Variants in RBM20 observed in about 807,000 individuals in gnomAD.
The protein encoded by RBM20 is RNA binding motif protein 20.
Under a neutral mutation model 110.1 loss-of-function variants are expected in RBM20, and 51 were observed. That is an observed-to-expected ratio of 0.46 (90% CI 0.37 to 0.59). RBM20 has a LOEUF of 0.59. RBM20 is among the 20% of genes least tolerant of loss of function. The probability of loss-of-function intolerance (pLI) is 0.00; values close to 1 mark genes in which losing one functional copy is unlikely to be tolerated. For missense variants in RBM20, 1,512 were observed against 1,574.9 expected, an observed-to-expected ratio of 0.96 and a Z score of 0.68; for synonymous variants, 589 against 618.2, an observed-to-expected ratio of 0.95 and a Z score of 0.70.
At chr10:110,831,329 C>G (rs1350106541) in intron 13 of RBM20, 147 bp downstream of exon 13, 1 of 738,028 alleles carries the variant, frequency 1.4e-6, no homozygotes, top group East Asian at 2.8e-5. Context: ...ACTTGCCATT[C>G]CCCAAGCACA....
intron 1 of RBM20, among the ~76,000 whole-genome samples, chr10:110,776,156 C>T (rs1844259985): frequency 6.6e-6 from 1 of 152,128 alleles, no homozygotes; most frequent in Non-Finnish European, 1.5e-5. Context: ...GCAGAATTGG[C>T]CCCTGACTAC....
intron 1 of RBM20, among the ~76,000 whole-genome samples, chr10:110,736,402 A>G (rs1318083505): frequency 6.6e-6 from 1 of 152,214 alleles, no homozygotes; most frequent in Non-Finnish European, 1.5e-5. Context: ...GCTGTATAGA[A>G]CTAGGTATTT....
At chr10:110,678,037 T>C (rs749143753) in intron 1 of RBM20, among the ~76,000 whole-genome samples, 18 of 152,204 alleles carry the variant, frequency 1.2e-4, no homozygotes, top group Non-Finnish European at 2.1e-4. Flanking sequence ...GTAATTCTTA[T>C]GGATGGAGCT....
intron 13 of RBM20, chr10:110,831,586 T>C (rs1354961647): frequency 6.6e-6 from 1 of 151,260 alleles, no homozygotes; most frequent in Admixed American, 6.8e-5. Context: ...TGATTGGGAC[T>C]GACCCCTTCC....
intron 1 of RBM20, among the ~76,000 whole-genome samples, chr10:110,744,247 C>T (rs990107510): frequency 6.6e-6 from 1 of 152,166 alleles, no homozygotes; most frequent in African/African-American, 2.4e-5. Context: ...GCCTGGCACA[C>T]AGTAGGTTTG....
chr10:110,717,956 C>T (rs1186853718), intron 1 of RBM20, among the ~76,000 whole-genome samples: 1 of 152,210 alleles, frequency 6.6e-6, no homozygotes, highest in Non-Finnish European at 1.5e-5. Flanking sequence ...ATCCCTTTTG[C>T]ACATGGGCTG....
chr10:110,799,542 G>T (rs944835746), intron 6 of RBM20, among the ~76,000 whole-genome samples: 2 of 152,060 alleles, frequency 1.3e-5, no homozygotes, highest in Non-Finnish European at 2.9e-5. Flanking sequence ...GGTTACATGT[G>T]TACACCCATA....
chr10:110,820,412 A>G (rs528967451), intron 10 of RBM20, among the ~76,000 whole-genome samples: 1 of 152,304 alleles, frequency 6.6e-6, no homozygotes, highest in Admixed American at 6.5e-5. Context: ...CTCTCCAGCA[A>G]TTTGGCTGTG....
chr10:110,819,309 C>A (rs1260832885), intron 9 of RBM20, among the ~76,000 whole-genome samples: 1 of 152,242 alleles, frequency 6.6e-6, no homozygotes, highest in Non-Finnish European at 1.5e-5. Flanking sequence ...TATGTAGGCA[C>A]TTCTATAATC....
In RBM20 at chr10:110,806,752, A is replaced by G. The variant is rs1223626065; in HGVS notation, c.1801-3631A>G. Among the ~76,000 whole-genome samples, 8 of 152,226 alleles carry G rather than the reference A, an allele frequency of 5.3e-5. No homozygotes were observed. In the East Asian group the frequency reaches 1.5e-3, roughly 29 times the overall value. ...CTTTTGTGTATGTTTGAAATTTTCTACAATGAAAAGGTAACCAAAATTTTA... is the reference window on the plus strand; with the variant it reads ...CTTTTGTGTATGTTTGAAATTTTCTGCAATGAAAAGGTAACCAAAATTTTA... On this transcript the variant is annotated intron_variant, in intron 7 of 13. Transcript: ENST00000369519.
At chr10:110,752,105 G>A (rs180957205) in intron 1 of RBM20, among the ~76,000 whole-genome samples, 19 of 152,142 alleles carry the variant, frequency 1.2e-4, no homozygotes, top group African/African-American at 3.9e-4. Flanking sequence ...ACGTTCTGTG[G>A]GTCTGGACAA....
chr10:110,799,767 G>A lies in RBM20; in HGVS notation c.1669-20G>A. Reference sequence around the variant, plus strand: ...ACCATTAAAGTCAAGTCCAGTGAGTGTCCTTCCTTTCTTTCTTAGGCCTTT... The same window carrying A: ...ACCATTAAAGTCAAGTCCAGTGAGTATCCTTCCTTTCTTTCTTAGGCCTTT... On this transcript the variant is annotated intron_variant, in intron 6 of 13. Coordinates refer to ENST00000369519, the MANE Select transcript of RBM20 (RefSeq NM_001134363.3). 6.5e-7 allele frequency: 1 copy of A among 1,547,886 alleles called. No individual in the cohort carries two copies. Among genetic ancestry groups the A allele is most frequent in the Non-Finnish European group, 8.7e-7 (1 of 1,145,290 alleles).
At position 110,655,301 on chromosome 10, in the gene RBM20, T is replaced by G. The variant is rs187848076; in HGVS notation, c.191+10656T>G. Among the ~76,000 whole-genome samples the G allele has an allele frequency of 3.4e-3, 485 of 141,914 alleles. 4 individuals are homozygous for G. The highest frequency in any genetic ancestry group is 0.026 in the South Asian group (103 of 3,986). 93.1% of individuals were successfully genotyped at this position (141,914 alleles called of 152,430 possible). A position where few individuals can be genotyped will look rare whatever the true frequency, so the allele number is the denominator to read the frequency against. On this transcript the variant is annotated intron_variant, in intron 1 of 13. Transcript: ENST00000369519. ...GCCCTTTTTTTTCCCCTTAAAACTT[T>G]AAGTACAGCTTTGGTTTAAAGTGAA...
intron 8 of RBM20, among the ~76,000 whole-genome samples, chr10:110,812,051 C>T (rs568431592): frequency 2.6e-5 from 4 of 151,784 alleles, no homozygotes; most frequent in South Asian, 4.2e-4. Context: ...AGTAAAGGCA[C>T]AGCGAGTGGC....
intron 13 of RBM20, among the ~76,000 whole-genome samples, chr10:110,833,916 C>A (rs554175590): frequency 7.9e-5 from 12 of 152,228 alleles, no homozygotes; most frequent in Admixed American, 3.9e-4. Context: ...CAGCCTCCCC[C>A]ACCCCAAGCA....
At chr10:110,687,049 A>AG (rs1312850464) in intron 1 of RBM20, among the ~76,000 whole-genome samples, 1 of 151,906 alleles carries the variant, frequency 6.6e-6, no homozygotes, top group Non-Finnish European at 1.5e-5. Flanking sequence ...AAAGAAAAAA[A>AG]AAAAAAAAGA....
intron 4 of RBM20, 133 bp downstream of exon 4, chr10:110,784,565 A>G (rs1180851150): frequency 2.6e-6 from 2 of 763,238 alleles, no homozygotes; most frequent in Admixed American, 2.1e-5. Context: ...ACAGATCCCA[A>G]GACACTAAAA....
chr10:110,795,280 G>T (rs989350544), intron 5 of RBM20, among the ~76,000 whole-genome samples: 3 of 152,170 alleles, frequency 2.0e-5, no homozygotes, highest in Admixed American at 1.3e-4. Context: ...CTGCAGAAGG[G>T]TTCAGTCCTC....
intron 1 of RBM20, among the ~76,000 whole-genome samples, chr10:110,737,177 C>CAAAAAAAAAAAAAATAAAAAAA (rs1843679646): frequency 3.8e-5 from 1 of 26,620 alleles, no homozygotes. Context: ...AACTCTGCCT[C>CAAAAAAAAAAAAAATAAAAAAA]AAAAAAAAAA....
Sources: gnomAD v4.1 joint callset for allele counts (sites outside exome capture counted in the v4.1 genomes callset) on GRCh38, gnomAD v4.1.1 for gene constraint, MANE v1.5 for transcripts, NCBI Gene and HGNC (gene_info 2026-07-23, HGNC 2026-07-21) for gene names.